ITPKB: variants seen among roughly 807,000 people sequenced by gnomAD.
The protein encoded by ITPKB is inositol-trisphosphate 3-kinase B.
A neutral mutation model predicts 69.4 loss-of-function variants in ITPKB; 13 were observed. The ratio of observed to expected loss-of-function variants is 0.19; its 90% CI spans 0.12 to 0.30. ITPKB has a LOEUF of 0.30. ITPKB is among the 10% of genes least tolerant of loss of function. ITPKB has a pLI of 1.00. For missense variants in ITPKB, 1,240 were observed against 1,250.5 expected (o/e 0.99, Z 0.13); for synonymous variants, 584 against 513.7 (o/e 1.14, Z -1.85).
At chr1:226,654,864 G>A (rs923319705) in intron 2 of ITPKB, among the ~76,000 whole-genome samples, 4 of 152,142 alleles carry the variant, frequency 2.6e-5, no homozygotes, top group Non-Finnish European at 5.9e-5. Flanking sequence ...CGTTCATAAG[G>A]CAGGCAAAAA....
intron 2 of ITPKB, among the ~76,000 whole-genome samples, chr1:226,702,770 A>G (rs566447140): frequency 6.6e-6 from 1 of 152,340 alleles, no homozygotes; most frequent in African/African-American, 2.4e-5. Context: ...GCAGTGTGCT[A>G]AACCAGCAGC....
chr1:226,686,208 G>A (rs557137393), intron 2 of ITPKB, among the ~76,000 whole-genome samples: 1 of 152,286 alleles, frequency 6.6e-6, no homozygotes, highest in East Asian at 1.9e-4. Context: ...ATGGGCAGGG[G>A]GCAAATCACA....
rs771115954 is a variant in ITPKB, at chr1:226,736,182, G to T, written c.1277C>A (p.Ala426Asp). ...CCCGCCCACGGGGGCCCCACTTCGG[G>T]CCTCCTCAGGGCCTACGGAGGCCAG... is the stretch of plus-strand genomic sequence containing the variant. The part of the protein sequence containing the change: ...RALASVGPEE[A>D]RSGAPVGGGR... The change falls in exon 2 of 8, where the codon GCC becomes GAC. Residue 426 changes from alanine to aspartate, a missense_variant. Ala to Asp is a moderately radical substitution (Grantham distance 126). Coordinates refer to ENST00000429204, the MANE Select transcript of ITPKB (RefSeq NM_002221.4). 1.9e-6 allele frequency: 3 copies of T among 1,548,636 alleles called. No individual in the cohort carries two copies. Among genetic ancestry groups the T allele is most frequent in the Middle Eastern group, 1.8e-4 (1 of 5,710 alleles).
intron 2 of ITPKB, among the ~76,000 whole-genome samples, 154 bp from the exon 3 acceptor site, chr1:226,648,925 G>A (rs929101004): frequency 2.0e-5 from 3 of 152,188 alleles, no homozygotes; most frequent in African/African-American, 7.2e-5. Context: ...CATCACCTAT[G>A]CGGCACATGG....
rs1394186134 is a variant in ITPKB, at chr1:226,738,462, G to T, written c.-206+579C>A. On this transcript the variant is annotated intron_variant, in intron 1 of 7. Transcript: ENST00000429204. This position sits in a 1 kb window ranked among gnomAD's most constrained non-coding sequence, Gnocchi z 4.2. ...CGTCGTCCCCTATGGGGGGGTGTCT[G>T]TGAGTGTGTGTGTATACACGCGTGT... Among the ~76,000 whole-genome samples, 1 of 152,200 alleles carries T rather than the reference G, an allele frequency of 6.6e-6. No homozygotes were observed. Among genetic ancestry groups the T allele is most frequent in the Non-Finnish European group, 1.5e-5 (1 of 68,022 alleles).
chr1:226,693,960 T>C lies in ITPKB; in HGVS notation c.1932+41567A>G, dbSNP rs145438483. On this transcript the variant is annotated intron_variant, in intron 2 of 7. Coordinates refer to ENST00000429204, the MANE Select transcript of ITPKB (RefSeq NM_002221.4). The stretch of plus-strand genomic sequence containing the variant: ...ACTCAACTCTGCATTCACAGAACCA[T>C]TGCTAATAACCTTTAAGAGGTGTCA... 3.3e-3 allele frequency among the ~76,000 whole-genome samples: 506 copies of C among 152,336 alleles called. 3 individuals are homozygous for C. The highest frequency in any genetic ancestry group is 0.012 in the African/African-American group (486 of 41,568).
At chr1:226,650,728 G>A (rs749870260) in intron 2 of ITPKB, among the ~76,000 whole-genome samples, 2 of 152,240 alleles carry the variant, frequency 1.3e-5, no homozygotes, top group South Asian at 2.1e-4. Context: ...TGTGGGAGGA[G>A]GGGAGCCCAG....
intron 2 of ITPKB, among the ~76,000 whole-genome samples, chr1:226,732,620 G>A (rs191472332): frequency 2.0e-5 from 3 of 150,048 alleles, no homozygotes; most frequent in East Asian, 1.9e-4. Context: ...TTTAAAGTAA[G>A]GTACTTTTAT....
At chr1:226,703,703 C>G (rs376962921) in intron 2 of ITPKB, among the ~76,000 whole-genome samples, 1 of 152,236 alleles carries the variant, frequency 6.6e-6, no homozygotes, top group Non-Finnish European at 1.5e-5. Flanking sequence ...CTGACCTGCA[C>G]CCCTGGCTTG....
Position 226,736,546 on chromosome 1 carries a change from C to G in ITPKB, c.913G>C (p.Glu305Gln), listed in dbSNP as rs1488101959. Residue 305 changes from glutamate (E) to glutamine (Q), a missense_variant, in exon 2 of 8, where the codon GAA (glutamate) becomes CAA (glutamine). Physicochemically the swap from Glu to Gln is conservative, Grantham distance 29. Around this residue, in one of 2 missense-constraint regions of ITPKB, gnomAD observed 992 missense variants for 853.8 expected, o/e 1.16. Coordinates refer to ENST00000429204, the MANE Select transcript of ITPKB (RefSeq NM_002221.4). The stretch of plus-strand genomic sequence containing the variant: ...GTGGATGTAACTCTCGCTGCCACTT[C>G]CGTGGCCATCGTTAAGCTAGCTCCG... ...LFGASLTMAT[E>Q]VAARVTSTGP... 1.2e-6 allele frequency: 2 copies of G among 1,613,888 alleles called. No homozygotes were observed. Among genetic ancestry groups the G allele is most frequent in the Non-Finnish European group, 8.5e-7 (1 of 1,180,026 alleles).
intron 2 of ITPKB, among the ~76,000 whole-genome samples, chr1:226,658,676 A>G (rs1452481148): frequency 1.3e-5 from 2 of 152,160 alleles, no homozygotes; most frequent in Non-Finnish European, 2.9e-5. Context: ...ATGTTCCCGC[A>G]GGCTGGATGG....
intron 2 of ITPKB, among the ~76,000 whole-genome samples, chr1:226,727,454 T>G (rs142765514): frequency 1.6e-3 from 248 of 152,332 alleles, no homozygotes; most frequent in South Asian, 0.014. Flanking sequence ...AGATTGCAGA[T>G]TGAGCTGGGT....
chr1:226,665,522 C>T (rs142559457), intron 2 of ITPKB, among the ~76,000 whole-genome samples: 6 of 152,234 alleles, frequency 3.9e-5, no homozygotes, highest in East Asian at 3.9e-4. Flanking sequence ...TGTGGCCCTT[C>T]GGGTCTGAAA....
At chr1:226,649,949 G>A (rs1168747674) in intron 2 of ITPKB, among the ~76,000 whole-genome samples, 3 of 152,104 alleles carry the variant, frequency 2.0e-5, no homozygotes, top group Admixed American at 6.5e-5. Flanking sequence ...AAATACACCC[G>A]TCCTCAGGGG....
intron 2 of ITPKB, chr1:226,707,865 T>C (rs781394004): frequency 3.1e-5 from 40 of 1,294,312 alleles, no homozygotes; most frequent in East Asian, 1.0e-4. Context: ...ATTCTTGGTA[T>C]TGGACGTTGC....
chr1:226,693,756 G>A (rs1433758834), intron 2 of ITPKB, among the ~76,000 whole-genome samples: 1 of 152,224 alleles, frequency 6.6e-6, no homozygotes, highest in Non-Finnish European at 1.5e-5. Context: ...AAAGGCCTGT[G>A]CTGACACCAT....
intron 2 of ITPKB, among the ~76,000 whole-genome samples, chr1:226,727,067 T>C (rs1419159396): frequency 6.6e-6 from 1 of 152,246 alleles, no homozygotes; most frequent in Non-Finnish European, 1.5e-5. Flanking sequence ...ACAGAAGTGA[T>C]ACTCCCAAGT....
chr1:226,708,557 G>C (rs1267082038), intron 2 of ITPKB, among the ~76,000 whole-genome samples: 1 of 152,180 alleles, frequency 6.6e-6, no homozygotes, highest in South Asian at 2.1e-4. Flanking sequence ...ACCATGAAGA[G>C]CCATCCCCTT....
At position 226,641,967 on chromosome 1, in the gene ITPKB, G is replaced by T; in HGVS notation, c.2405C>A (p.Thr802Asn). 1.2e-6 allele frequency: 2 copies of T among 1,614,070 alleles called. No individual in the cohort carries two copies. Among genetic ancestry groups the T allele is most frequent in the Non-Finnish European group, 1.7e-6 (2 of 1,180,018 alleles). Residue 802 changes from threonine (T) to asparagine (N), a missense_variant, in exon 5 of 8, where the codon ACC (threonine) becomes AAC (asparagine). By Grantham distance (65) the Thr-to-Asn change is moderately conservative. Around this residue, in one of 2 missense-constraint regions of ITPKB, gnomAD observed 248 missense variants for 396.7 expected, o/e 0.63. Coordinates refer to ENST00000429204, the MANE Select transcript of ITPKB (RefSeq NM_002221.4). The surrounding 1 kb of genome is among the most constrained non-coding windows in gnomAD (Gnocchi z 4.6). ...TKPRYMQWRE[T>N]ISSTATLGFR... Reference sequence around the variant, plus strand: ...CCCCAGGGTGGCCGTGGAGCTGATGGTCTCCCGCCACTGCATGTACCGTGG... The same window carrying T: ...CCCCAGGGTGGCCGTGGAGCTGATGTTCTCCCGCCACTGCATGTACCGTGG...
Sources: gnomAD v4.1 joint callset for allele counts (sites outside exome capture counted in the v4.1 genomes callset) on GRCh38, gnomAD v4.1.1 for gene constraint, gnomAD v4.1.1 regional missense constraint, Gnocchi (gnomAD v3.1) non-coding constraint, MANE v1.5 for transcripts, NCBI Gene and HGNC (gene_info 2026-07-23, HGNC 2026-07-21) for gene names.